The following PTRH1 variants were observed in gnomAD, a reference collection of about 807,000 sequenced individuals.
PTRH1 encodes peptidyl-tRNA hydrolase.
PTRH1 carries 13 observed loss-of-function variants against 15.7 expected under a neutral mutation model. The observed-to-expected ratio is 0.83, with a 90% CI of 0.54 to 1.31. PTRH1 has a LOEUF of 1.31. PTRH1 is among the 40% of genes most tolerant of loss of function. The pLI, the probability that PTRH1 is intolerant of heterozygous loss-of-function variation, is 0.00. For missense variants in PTRH1, 319 were observed against 296.2 expected (o/e 1.08, Z -0.56); for synonymous variants, 139 against 136.7 (o/e 1.02, Z -0.12).
downstream of PTRH1, chr9:127,709,527 C>T (rs1160012308): frequency 6.2e-7 from 1 of 1,614,140 alleles, no homozygotes; most frequent in Non-Finnish European, 8.5e-7. This position sits in a 1 kb window ranked among gnomAD's most constrained non-coding sequence, Gnocchi z 4.7. Flanking sequence ...TCCTCAAGCG[C>T]ACGCTCAACC....
chr9:127,713,759 G>A (rs569659059), downstream of PTRH1: 350 of 1,249,284 alleles, frequency 2.8e-4, 1 homozygote, highest in South Asian at 3.6e-3. Flanking sequence ...CCCCAGCCTC[G>A]GCCTCCCAAA....
intron 1 of PTRH1, chr9:127,695,335 A>C: frequency 1.7e-6 from 1 of 574,794 alleles, no homozygotes; most frequent in Non-Finnish European, 3.1e-6. Flanking sequence ...TTATGGGAGG[A>C]CACAGACAGG....
chr9:127,711,478 CAA>C (rs752040070), downstream of PTRH1: 13 of 1,613,394 alleles, frequency 8.1e-6, no homozygotes, highest in Admixed American at 1.7e-5. Flanking sequence ...TGGCCAGGCA[CAA>C]AAGAGGCCAC....
downstream of PTRH1, chr9:127,712,363 A>G: frequency 1.2e-6 from 2 of 1,613,070 alleles, no homozygotes; most frequent in Non-Finnish European, 1.7e-6. Context: ...AGCAGAAGGG[A>G]GAGAGGGAGG....
downstream of PTRH1, chr9:127,711,757 G>A (rs1405569087): frequency 6.6e-6 from 10 of 1,522,948 alleles, no homozygotes; most frequent in East Asian, 2.5e-4. Flanking sequence ...CGGGAGGCCT[G>A]GCTGTGTCTG....
chr9:127,714,545 C>T (rs1842869900), intron 3 of PTRH1, 58 bp downstream of exon 3: 1 of 1,594,888 alleles, frequency 6.3e-7, no homozygotes. Context: ...CAGCCCTACT[C>T]CACCCCAACT....
At chr9:127,713,496 C>CTTTTT (rs58502035), downstream of PTRH1, 7 of 90,934 alleles carry the variant, frequency 7.7e-5, no homozygotes, top group East Asian at 2.7e-4. Flanking sequence ...CAGCATCTTT[C>CTTTTT]TTTTTTTTTT....
intron 1 of PTRH1, among the ~76,000 whole-genome samples, chr9:127,699,727 CAAAA>C (rs1842590570): frequency 6.7e-6 from 1 of 149,908 alleles, no homozygotes; most frequent in Non-Finnish European, 1.5e-5. Flanking sequence ...AAAAAAAAAA[CAAAA>C]AAACTGGTTC....
Position 127,713,959 on chromosome 9 carries a change from C to A in PTRH1, c.*141G>T. 1 of 1,587,200 alleles carries A rather than the reference C, an allele frequency of 6.3e-7. No homozygotes were observed. Among genetic ancestry groups the A allele is most frequent in the South Asian group, 1.1e-5 (1 of 90,420 alleles). On this transcript the variant is annotated 3_prime_UTR_variant, in exon 5 of 5. Transcript: ENST00000543175. ...ATGGACTGGTCCAGTCACAGTCACC[C>A]CCACTTTAATCCGCAGGCAGCCTGG... is the stretch of plus-strand genomic sequence containing the variant.
rs1484853450 is a variant in PTRH1, at chr9:127,715,393, G to C, written c.96+151C>G. On this transcript the variant is annotated intron_variant, in intron 1 of 4. Transcript: ENST00000543175. This position sits in a 1 kb window ranked among gnomAD's most constrained non-coding sequence, Gnocchi z 5.8. ...AGGCAGGGCGCCCTAGTGCAGGAAC[G>C]GAGCTTCAAGAAGTTTGGAGCCCGT... is the stretch of plus-strand genomic sequence containing the variant. The C allele has an allele frequency of 2.3e-6, 3 of 1,317,174 alleles. No individual in the cohort carries two copies. Among genetic ancestry groups the C allele is most frequent in the South Asian group, 1.3e-5 (1 of 79,754 alleles). The allele number at this position is 1,317,174 out of a possible 1,614,324, so 81.6% of individuals were successfully genotyped here.
downstream of PTRH1, chr9:127,712,531 G>A: frequency 6.7e-7 from 1 of 1,501,622 alleles, no homozygotes; most frequent in Non-Finnish European, 8.9e-7. Context: ...TAAAGGAGCT[G>A]GATTCCTTCT....
chr9:127,699,792 T>C (rs1842591127), intron 1 of PTRH1, among the ~76,000 whole-genome samples: 1 of 152,150 alleles, frequency 6.6e-6, no homozygotes, highest in Admixed American at 6.5e-5. Flanking sequence ...ACAGGCACTT[T>C]TAATTCTCAG....
At position 127,715,161 on chromosome 9, in the gene PTRH1, T is replaced by C; in HGVS notation, c.130A>G (p.Thr44Ala). Reference protein sequence around the residue: ...AGLGNPGLPGTRHSVGMAVLG... With the variant: ...AGLGNPGLPGARHSVGMAVLG... ...ACCGCCATGCCCACGCTGTGTCGCG[T>C]GCCGGGCAGTCCGGGATTCCCCAGG... The change falls in exon 2 of 5, where the codon ACG becomes GCG. Residue 44 changes from threonine (T) to alanine (A), a missense_variant. By Grantham distance (58) the Thr-to-Ala change is moderately conservative. Coordinates refer to ENST00000543175, the MANE Select transcript of PTRH1 (RefSeq NM_001002913.3). This position sits in a 1 kb window ranked among gnomAD's most constrained non-coding sequence, Gnocchi z 5.8. 6.5e-7 allele frequency: 1 copy of C among 1,533,304 alleles called. No individual in the cohort carries two copies. The highest frequency in any genetic ancestry group is 8.7e-7 in the Non-Finnish European group (1 of 1,145,468). The allele number at this position is 1,533,304 out of a possible 1,614,324, so 95.0% of individuals were successfully genotyped here.
intron 1 of PTRH1, chr9:127,695,969 T>C (rs1270012958): frequency 1.3e-5 from 2 of 152,154 alleles, no homozygotes; most frequent in Non-Finnish European, 2.9e-5. Context: ...CAATTCCAAA[T>C]GAGCCACGGG....
downstream of PTRH1, chr9:127,712,384 A>T: frequency 6.2e-7 from 1 of 1,609,110 alleles, no homozygotes; most frequent in Non-Finnish European, 8.5e-7. Context: ...GCGCAAGGGG[A>T]GGGGGAGTGA....
chr9:127,715,643 GC>G lies in PTRH1; in HGVS notation c.-5del, dbSNP rs757049467. 9 of 1,610,812 alleles carry G rather than the reference GC, an allele frequency of 5.6e-6. No homozygotes were observed. In the Admixed American group the frequency reaches 6.7e-5, roughly 12 times the overall value. On this transcript the variant is annotated 5_prime_UTR_variant, in exon 1 of 5. Transcript: ENST00000543175. The surrounding 1 kb of genome is among the most constrained non-coding windows in gnomAD (Gnocchi z 5.8). The stretch of plus-strand genomic sequence containing the variant: ...CCAAAAAGCCGCCCGGCCTCATGCT[GC>G]CCCCATTCACTCCGACACCGCCCCC...
downstream of PTRH1, chr9:127,709,476 G>T (rs781705818): frequency 1.2e-6 from 2 of 1,614,064 alleles, no homozygotes; most frequent in Non-Finnish European, 1.7e-6. The surrounding 1 kb of genome is among the most constrained non-coding windows in gnomAD (Gnocchi z 4.7). Flanking sequence ...TCCGCCAGGA[G>T]TTTGAGCAGC....
In PTRH1 at chr9:127,707,386, G is replaced by T. The variant is rs573503809; in HGVS notation, c.205+8049C>A. ...GGTTTCAAGATTTTGAGGGTAAATGGATTTCCCCACCTTCCCAGCTCCTAG... is the reference window on the plus strand; with the variant it reads ...GGTTTCAAGATTTTGAGGGTAAATGTATTTCCCCACCTTCCCAGCTCCTAG... On this transcript the variant is annotated intron_variant, in intron 1 of 2. Coordinates refer to the PTRH1 transcript ENST00000335223. Among the ~76,000 whole-genome samples the T allele has an allele frequency of 2.6e-5, 4 of 152,304 alleles. No individual in the cohort carries two copies. The Middle Eastern group carries it at 0.01, about 389-fold the overall frequency.
chr9:127,698,905 CTTTTTTTTTT>C (rs143136665), intron 1 of PTRH1, among the ~76,000 whole-genome samples: 3 of 136,864 alleles, frequency 2.2e-5, no homozygotes, highest in East Asian at 4.3e-4. Flanking sequence ...ACAAGACCAA[CTTTTTTTTTT>C]TTTTTTTTTT....
Sources: allele counts gnomAD v4.1 joint callset (sites outside exome capture counted in the v4.1 genomes callset), GRCh38; gene constraint gnomAD v4.1.1; non-coding constraint Gnocchi (gnomAD v3.1); transcripts MANE v1.5; gene names NCBI Gene and HGNC (gene_info 2026-07-23, HGNC 2026-07-21).